The following BEND7 variants were observed in gnomAD, a reference collection of about 807,000 sequenced individuals.
BEND7 encodes the protein BEN domain containing 7.
BEND7 carries 28 observed loss-of-function variants against 50.9 expected under a neutral mutation model. The ratio of observed to expected loss-of-function variants is 0.55; its 90% CI spans 0.41 to 0.75. BEND7 has a LOEUF of 0.75. BEND7 is among the 30% of genes least tolerant of loss of function. The pLI is 0.00. For synonymous variants in BEND7, 170 were observed against 183.9 expected (o/e 0.92, Z 0.61); for missense variants, 477 against 491.3 (o/e 0.97, Z 0.28).
At chr10:13,452,760 G>T in intron 6 of BEND7, 102 bp from the exon 7 acceptor site, 1 of 1,133,382 alleles carries the variant, frequency 8.8e-7, no homozygotes, top group Non-Finnish European at 1.2e-6. Context: ...GATTTCTAAA[G>T]GAGGTCAGTT....
intron 4 of BEND7, among the ~76,000 whole-genome samples, chr10:13,494,309 TGA>T (rs1405462816): frequency 3.3e-5 from 5 of 152,120 alleles, no homozygotes; most frequent in African/African-American, 7.2e-5. Context: ...CCCAGCTACT[TGA>T]GAGGCTGAGG....
intron 6 of BEND7, among the ~76,000 whole-genome samples, chr10:13,470,173 A>G (rs2074667690): frequency 6.6e-6 from 1 of 152,220 alleles, no homozygotes; most frequent in African/African-American, 2.4e-5. Flanking sequence ...GAAGAGATGG[A>G]CCACGCAGAA....
In BEND7 at chr10:13,501,934, TAAAG is replaced by T. The variant is rs1220128128; in HGVS notation, c.146-1858_146-1855del. Among the ~76,000 whole-genome samples the T allele has an allele frequency of 2.6e-5, 4 of 151,680 alleles. No homozygotes were observed. In the East Asian group the frequency reaches 7.7e-4, roughly 29 times the overall value. The stretch of plus-strand genomic sequence containing the variant: ...AATGCTTGAAATTTAAACTGTAAGA[TAAAG>T]AAAAGGCTAACAGACAGCATCTGTT... On this transcript the variant is annotated intron_variant, in intron 2 of 8. Coordinates refer to ENST00000466271, the MANE Select transcript of BEND7 (RefSeq NM_001369863.1).
chr10:13,517,067 T>C (rs1356064378), intron 2 of BEND7, among the ~76,000 whole-genome samples: 2 of 65,808 alleles, frequency 3.0e-5, no homozygotes, highest in African/African-American at 1.1e-4. Flanking sequence ...TCTGGTGGCT[T>C]TTTTTTTTTT....
chr10:13,461,716 G>C (rs546983617), intron 6 of BEND7, among the ~76,000 whole-genome samples: 125 of 146,334 alleles, frequency 8.5e-4, no homozygotes, highest in African/African-American at 3.1e-3. Flanking sequence ...CTGGGAGACA[G>C]AGCGAGACTC....
intron 6 of BEND7, among the ~76,000 whole-genome samples, chr10:13,453,401 CCATCA>C (rs1239374754): frequency 6.6e-6 from 1 of 152,030 alleles, no homozygotes; most frequent in Non-Finnish European, 1.5e-5. Context: ...ATCTGGTAGG[CCATCA>C]CATCACACTG....
At chr10:13,473,786 A>G (rs2075151978) in intron 6 of BEND7, among the ~76,000 whole-genome samples, 1 of 151,108 alleles carries the variant, frequency 6.6e-6, no homozygotes, top group Non-Finnish European at 1.5e-5. Flanking sequence ...TGGGGGTGAT[A>G]CTCATCATTG....
At chr10:13,466,725 C>T (rs2074286083) in intron 6 of BEND7, among the ~76,000 whole-genome samples, 1 of 152,166 alleles carries the variant, frequency 6.6e-6, no homozygotes, top group Non-Finnish European at 1.5e-5. Flanking sequence ...TGGCATAAAA[C>T]ACATGCGTTC....
At chr10:13,457,612 C>T (rs571926512) in intron 6 of BEND7, among the ~76,000 whole-genome samples, 3 of 152,288 alleles carry the variant, frequency 2.0e-5, no homozygotes, top group East Asian at 1.9e-4. Context: ...TTACTGAAGA[C>T]GAAATCCTAT....
intron 6 of BEND7, among the ~76,000 whole-genome samples, chr10:13,478,613 G>A (rs55749906): frequency 0.56 from 85,035 of 151,856 alleles, 24,145 homozygotes; most frequent in East Asian, 0.75. Flanking sequence ...ATCTTGGAAG[G>A]GTGAGATTAG....
At position 13,492,741 on chromosome 10, in the gene BEND7, C is replaced by T; in HGVS notation, c.707G>A (p.Ser236Asn). 1 of 1,614,086 alleles carries T rather than the reference C, an allele frequency of 6.2e-7. No individual in the cohort carries two copies. The highest frequency in any genetic ancestry group is 1.3e-5 in the African/African-American group (1 of 75,040). Reference protein sequence around the residue: ...VEPLTVKQKPSGSEMEKKSVV... With the variant: ...VEPLTVKQKPNGSEMEKKSVV... ...CGACTTTTTCTCCATCTCTGACCCA[C>T]TGGGCTTCTGTTTCACAGTAAGAGG... Residue 236 changes from serine to asparagine, a missense_variant, in exon 5 of 9, where the codon AGT (serine) becomes AAT (asparagine). Physicochemically the swap from Ser to Asn is conservative, Grantham distance 46. Around this residue, in one of 3 missense-constraint regions of BEND7, gnomAD observed 396 missense variants for 384.2 expected, o/e 1.03. Coordinates refer to ENST00000466271, the MANE Select transcript of BEND7 (RefSeq NM_001369863.1).
downstream of BEND7, chr10:13,439,209 T>C: frequency 6.2e-7 from 1 of 1,614,112 alleles, no homozygotes; most frequent in Non-Finnish European, 8.5e-7. Flanking sequence ...GGTAAGAGAC[T>C]TGGCTGAGCC....
intron 8 of BEND7, chr10:13,444,439 C>A (rs1159003146): frequency 2.0e-5 from 3 of 152,206 alleles, no homozygotes; most frequent in Non-Finnish European, 4.4e-5. Flanking sequence ...TTTCCCTGCC[C>A]TTCCCCCAAA....
At chr10:13,493,157 G>A (rs1281118106) in intron 4 of BEND7, among the ~76,000 whole-genome samples, 1 of 152,246 alleles carries the variant, frequency 6.6e-6, no homozygotes, top group Non-Finnish European at 1.5e-5. Context: ...AGGATCATGA[G>A]CTGTGAGAAA....
At chr10:13,464,749 C>A (rs919083065) in intron 6 of BEND7, among the ~76,000 whole-genome samples, 3 of 152,204 alleles carry the variant, frequency 2.0e-5, no homozygotes, top group Non-Finnish European at 2.9e-5. Flanking sequence ...GGACAAATGT[C>A]GTTCTTCAGT....
At chr10:13,483,372 C>A (rs1332862808) in intron 5 of BEND7, among the ~76,000 whole-genome samples, 1 of 152,212 alleles carries the variant, frequency 6.6e-6, no homozygotes, top group Non-Finnish European at 1.5e-5. Flanking sequence ...ACTTTTCACA[C>A]AGCATTTGCT....
At chr10:13,472,160 C>G (rs1469639286) in intron 6 of BEND7, among the ~76,000 whole-genome samples, 4 of 151,708 alleles carry the variant, frequency 2.6e-5, no homozygotes, top group African/African-American at 9.7e-5. Context: ...GGGGTTGATA[C>G]TCGTCATCGC....
At chr10:13,455,480 G>C (rs1838745243) in intron 6 of BEND7, among the ~76,000 whole-genome samples, 1 of 152,142 alleles carries the variant, frequency 6.6e-6, no homozygotes, top group Non-Finnish European at 1.5e-5. Flanking sequence ...GTGAGGGCTG[G>C]GGAGGGTGGC....
chr10:13,441,415 A>C lies in BEND7; in HGVS notation c.*328T>G. On this transcript the variant is annotated 3_prime_UTR_variant, in exon 9 of 9. Coordinates refer to ENST00000466271, the MANE Select transcript of BEND7 (RefSeq NM_001369863.1). ...ATGATTTTGCTGTTGCAGTTTTGAT[A>C]CGTATTTCCAGTGTGTAGATCCGTT... 1 of 1,151,734 alleles carries C rather than the reference A, an allele frequency of 8.7e-7. No homozygotes were observed. The highest frequency in any genetic ancestry group is 1.1e-6 in the Non-Finnish European group (1 of 937,738). The allele number at this position is 1,151,734 out of a possible 1,614,324, so 71.3% of individuals were successfully genotyped here.
Sources: gnomAD v4.1 joint callset for allele counts (sites outside exome capture counted in the v4.1 genomes callset) on GRCh38, gnomAD v4.1.1 for gene constraint, gnomAD v4.1.1 regional missense constraint, MANE v1.5 for transcripts, NCBI Gene and HGNC (gene_info 2026-07-23, HGNC 2026-07-21) for gene names.